NPEPPS: variants seen among roughly 807,000 people sequenced by gnomAD.
NPEPPS encodes aminopeptidase puromycin sensitive.
In NPEPPS, 14 loss-of-function variants were observed where a neutral mutation model predicts 115.5. That is an observed-to-expected ratio of 0.12 (90% confidence interval 0.08 to 0.19). The LOEUF (loss-of-function observed/expected upper bound fraction) is 0.19, where lower values mean the gene tolerates loss of function less well. Among genes scored for constraint, NPEPPS ranks in the 10% least tolerant of loss-of-function variants. The pLI is 1.00. For synonymous variants in NPEPPS, 285 were observed against 390.6 expected, an observed-to-expected ratio of 0.73 and a Z score of 3.19; for missense variants, 523 against 1,110.8, an observed-to-expected ratio of 0.47 and a Z score of 7.52.
At position 47,591,937 on chromosome 17, in the gene NPEPPS, G is replaced by A. The variant is rs1291393087; in HGVS notation, c.1261-19G>A. ...GCTATCTGCTTCCTGTCATAACCCT[G>A]AATCACACTGTCTGCCAGGTCAGTG... On this transcript the variant is annotated intron_variant, in intron 10 of 22. Transcript: ENST00000322157. The A allele has an allele frequency of 1.2e-6, 1 of 855,526 alleles. No homozygotes were observed. Among genetic ancestry groups the A allele is most frequent in the South Asian group, 1.5e-5 (1 of 64,938 alleles). The allele number at this position is 855,526 out of a possible 1,614,324, so 53.0% of individuals were successfully genotyped here.
intron 3 of NPEPPS, among the ~76,000 whole-genome samples, chr17:47,574,692 G>C (rs1597853128): frequency 6.6e-6 from 1 of 152,110 alleles, no homozygotes; most frequent in Non-Finnish European, 1.5e-5. Flanking sequence ...CTGGGTTTAA[G>C]TGATTCTCCC....
At chr17:47,603,682 C>T in intron 15 of NPEPPS, 1 of 388,174 alleles carries the variant, frequency 2.6e-6, no homozygotes, top group Admixed American at 4.3e-5. Context: ...CTTCCTTGTT[C>T]TTTCTACTGT....
upstream of NPEPPS, among the ~76,000 whole-genome samples, chr17:47,527,392 G>A (rs1907476905): frequency 6.6e-6 from 1 of 151,814 alleles, no homozygotes; most frequent in South Asian, 2.1e-4. Flanking sequence ...GCTGAGGCAG[G>A]AGAATTGCTT....
intron 19 of NPEPPS, among the ~76,000 whole-genome samples, chr17:47,615,532 G>A (rs1035617159): frequency 6.6e-6 from 1 of 152,226 alleles, no homozygotes. Context: ...ACTCCAGCCT[G>A]CGTGACAGAG....
chr17:47,576,729 G>A (rs1911545694), intron 3 of NPEPPS, among the ~76,000 whole-genome samples: 1 of 152,046 alleles, frequency 6.6e-6, no homozygotes, highest in South Asian at 2.1e-4. Context: ...CTTGATATAT[G>A]TTTCAAAAGG....
At chr17:47,605,811 A>G (rs1006311532) in intron 17 of NPEPPS, among the ~76,000 whole-genome samples, 2 of 152,190 alleles carry the variant, frequency 1.3e-5, no homozygotes, top group African/African-American at 4.8e-5. Flanking sequence ...GCAGAATTCC[A>G]AAGGCCTATT....
At chr17:47,601,911 CT>C (rs1913222638) in intron 15 of NPEPPS, 164 bp downstream of exon 15, 1 of 679,348 alleles carries the variant, frequency 1.5e-6, no homozygotes, top group South Asian at 2.0e-5. Flanking sequence ...GACATTTGTC[CT>C]TATGTTAGGG....
At chr17:47,526,161 GAGATTGTGCC>G (rs1398374236), upstream of NPEPPS, among the ~76,000 whole-genome samples, 1 of 152,164 alleles carries the variant, frequency 6.6e-6, no homozygotes, top group Non-Finnish European at 1.5e-5. Flanking sequence ...GCAGTGAGCT[GAGATTGTGCC>G]ATTGCACTCC....
intron 2 of NPEPPS, among the ~76,000 whole-genome samples, chr17:47,568,024 G>A (rs930129744): frequency 3.3e-5 from 5 of 152,140 alleles, no homozygotes; most frequent in Admixed American, 3.3e-4. Context: ...ACTTAGGAAT[G>A]GGATTGCTGT....
In NPEPPS at chr17:47,544,502, G is replaced by GTATTTATT. The variant is rs61518431; in HGVS notation, c.256-1365_256-1358dup. On this transcript the variant is annotated intron_variant, in intron 1 of 22. Transcript: ENST00000322157. The stretch of plus-strand genomic sequence containing the variant: ...AATTAAGATTTTTATGAAATTAAAC[G>GTATTTATT]TATTTATTTATTTATTTATTTATTT... Among the ~76,000 whole-genome samples, 438 of 141,590 alleles carry GTATTTATT rather than the reference G, an allele frequency of 3.1e-3. 1 individual carries two copies. Among genetic ancestry groups the GTATTTATT allele is most frequent in the East Asian group, 9.8e-3 (48 of 4,900 alleles). The allele number at this position is 141,590 out of a possible 152,430, so 92.9% of individuals were successfully genotyped here. A position where few individuals can be genotyped will look rare whatever the true frequency, so the allele number is the denominator to read the frequency against.
chr17:47,550,757 G>A (rs1311805564), intron 2 of NPEPPS, among the ~76,000 whole-genome samples: 1 of 151,562 alleles, frequency 6.6e-6, no homozygotes, highest in Non-Finnish European at 1.5e-5. Context: ...CTCCCGAGTA[G>A]CTGGGATCAC....
chr17:47,527,873 C>CG (rs1567828798), upstream of NPEPPS, among the ~76,000 whole-genome samples: 2 of 149,732 alleles, frequency 1.3e-5, no homozygotes, highest in East Asian at 2.0e-4. Flanking sequence ...CGCTTGAACC[C>CG]GGGGGGCAGA....
upstream of NPEPPS, among the ~76,000 whole-genome samples, chr17:47,529,013 C>A (rs1907547385): frequency 6.6e-6 from 1 of 151,984 alleles, no homozygotes; most frequent in Non-Finnish European, 1.5e-5. Context: ...GATGTGTTTT[C>A]ATTTGTTTCC....
chr17:47,561,710 C>T (rs1298929296), intron 2 of NPEPPS, among the ~76,000 whole-genome samples: 1 of 152,200 alleles, frequency 6.6e-6, no homozygotes, highest in Non-Finnish European at 1.5e-5. Flanking sequence ...ATACTCTAAT[C>T]ATCCCCCAAC....
intron 2 of NPEPPS, among the ~76,000 whole-genome samples, chr17:47,567,389 G>T (rs1910892483): frequency 6.6e-6 from 1 of 152,144 alleles, no homozygotes; most frequent in African/African-American, 2.4e-5. Context: ...ATTCATAAAA[G>T]AAAGGAAGAA....
intron 2 of NPEPPS, among the ~76,000 whole-genome samples, chr17:47,563,356 G>A (rs529212762): frequency 9.2e-5 from 14 of 152,070 alleles, no homozygotes; most frequent in African/African-American, 3.4e-4. Flanking sequence ...TACATGCTAT[G>A]TTTATAATCA....
intron 13 of NPEPPS, among the ~76,000 whole-genome samples, chr17:47,597,541 T>A (rs1156648626): frequency 1.3e-5 from 2 of 152,082 alleles, no homozygotes; most frequent in Non-Finnish European, 2.9e-5. Context: ...TTTTATATTT[T>A]AAAAAATTGG....
intron 16 of NPEPPS, chr17:47,604,267 T>G: frequency 2.5e-6 from 1 of 395,588 alleles, no homozygotes; most frequent in Non-Finnish European, 4.4e-6. Flanking sequence ...CTGAAACTCT[T>G]AATTAAACTA....
At chr17:47,583,151 A>G (rs553959716) in intron 5 of NPEPPS, among the ~76,000 whole-genome samples, 3 of 150,792 alleles carry the variant, frequency 2.0e-5, no homozygotes, top group African/African-American at 7.3e-5. Context: ...CCCAGCCAAG[A>G]CCTCTTTTTC....
Sources: gnomAD v4.1 joint callset for allele counts (sites outside exome capture counted in the v4.1 genomes callset) on GRCh38, gnomAD v4.1.1 for gene constraint, MANE v1.5 for transcripts, NCBI Gene and HGNC (gene_info 2026-07-23, HGNC 2026-07-21) for gene names.